The following CCDC141 variants were observed in gnomAD, a reference collection of about 807,000 sequenced individuals.
The protein encoded by CCDC141 is coiled-coil domain-containing protein 141.
Under a neutral mutation model 181.0 loss-of-function variants are expected in CCDC141, and 168 were observed. The observed-to-expected ratio is 0.93, with a 90% CI of 0.82 to 1.05. The LOEUF is 1.05. CCDC141 is among the 50% of genes least tolerant of loss of function. CCDC141 has a pLI of 0.00. For synonymous variants in CCDC141, 666 were observed against 642.3 expected, an observed-to-expected ratio of 1.04 and a Z score of -0.56; for missense variants, 1,902 against 1,788.5, an observed-to-expected ratio of 1.06 and a Z score of -1.14.
chr2:178,852,388 A>C (rs17362574), intron 20 of CCDC141, among the ~76,000 whole-genome samples: 1 of 152,206 alleles, frequency 6.6e-6, no homozygotes, highest in Non-Finnish European at 1.5e-5. Flanking sequence ...AAAAAGTTCA[A>C]TCGTGGAGGA....
the CCDC141 span, among the ~76,000 whole-genome samples, chr2:178,821,693 T>C: frequency 1.3e-5 from 2 of 151,192 alleles, no homozygotes; most frequent in Admixed American, 1.3e-4. Context: ...GAAATGCAAA[T>C]CAAAACCACA....
At position 178,871,491 on chromosome 2, in the gene CCDC141, C is replaced by G. The variant is rs766972842; in HGVS notation, c.2141G>C (p.Gly714Ala). The G allele has an allele frequency of 1.9e-6, 3 of 1,613,904 alleles. No homozygotes were observed. In the African/African-American group the frequency reaches 4.0e-5, roughly 22 times the overall value. The change falls in exon 14 of 24, where the codon GGA becomes GCA. Residue 714 changes from glycine to alanine, a missense_variant. Gly to Ala is a moderately conservative substitution (Grantham distance 60). Coordinates refer to ENST00000443758, the MANE Select transcript of CCDC141 (RefSeq NM_173648.4). The part of the protein sequence containing the change: ...ALMPVSALDL[G>A]GSLQFILDLR... ...ATCTAAAATGAACTGGAGGCTCCCT[C>G]CGAGGTCAAGTGCAGACACAGGCAT...
chr2:179,014,165 G>A (rs557872124), intron 2 of CCDC141, among the ~76,000 whole-genome samples: 1 of 152,004 alleles, frequency 6.6e-6, no homozygotes, highest in Admixed American at 6.6e-5. Flanking sequence ...AAAATGTAAA[G>A]CAGGGAAAGG....
chr2:178,828,723 G>T (rs1228819738), downstream of CCDC141, among the ~76,000 whole-genome samples: 1 of 152,150 alleles, frequency 6.6e-6, no homozygotes, highest in Admixed American at 6.5e-5. Flanking sequence ...TTGTGTGTGG[G>T]TGTGCATAAT....
At chr2:178,999,771 G>A (rs529733775) in intron 2 of CCDC141, among the ~76,000 whole-genome samples, 2 of 151,568 alleles carry the variant, frequency 1.3e-5, no homozygotes, top group Admixed American at 6.6e-5. Flanking sequence ...TCTTTCTCCC[G>A]TGACTCACCT....
chr2:178,914,147 G>A (rs148468085), intron 7 of CCDC141, among the ~76,000 whole-genome samples: 1 of 152,232 alleles, frequency 6.6e-6, no homozygotes, highest in African/African-American at 2.4e-5. Context: ...TTGGAGGATC[G>A]AGATGAGTTA....
chr2:178,877,967 A>G lies in CCDC141; in HGVS notation c.1896T>C (p.Asn632=). Residue 632 remains asparagine (N), a synonymous_variant, in exon 12 of 24, where the codon AAT becomes AAC. Coordinates refer to ENST00000443758, the MANE Select transcript of CCDC141 (RefSeq NM_173648.4). ...ATCCATTTAATGCCATTCTTACCAT[A>G]TTTATTAAATTAAGGAACTCAAGCC... is the stretch of plus-strand genomic sequence containing the variant. The part of the protein sequence containing the change: ...DLGLEFLNLI[N]MAKENEILDV... The G allele has an allele frequency of 6.2e-7, 1 of 1,611,688 alleles. No homozygotes were observed. The highest frequency in any genetic ancestry group is 8.5e-7 in the Non-Finnish European group (1 of 1,177,984).
At chr2:178,891,111 T>C (rs1687127579) in intron 8 of CCDC141, among the ~76,000 whole-genome samples, 1 of 152,160 alleles carries the variant, frequency 6.6e-6, no homozygotes, top group Admixed American at 6.5e-5. Context: ...AATAATTTTA[T>C]TAAATTCATG....
intron 2 of CCDC141, among the ~76,000 whole-genome samples, chr2:178,991,113 A>G (rs909816361): frequency 6.6e-6 from 1 of 152,160 alleles, no homozygotes; most frequent in African/African-American, 2.4e-5. Context: ...TTTGCCCACG[A>G]CTGTCACTTG....
chr2:178,918,186 G>C (rs1317524977), intron 7 of CCDC141, among the ~76,000 whole-genome samples: 2 of 151,920 alleles, frequency 1.3e-5, no homozygotes, highest in Non-Finnish European at 2.9e-5. Flanking sequence ...AGCGCAGGAG[G>C]ATCACTTGAG....
At chr2:178,989,861 C>T (rs1280977845) in intron 2 of CCDC141, among the ~76,000 whole-genome samples, 3 of 144,808 alleles carry the variant, frequency 2.1e-5, no homozygotes, top group South Asian at 2.2e-4. Context: ...AAAAGGAGGC[C>T]GGGCACAGTG....
chr2:178,868,052 C>G lies in CCDC141; in HGVS notation c.2548G>C (p.Asp850His), dbSNP rs368109309. 17 of 1,613,618 alleles carry G rather than the reference C, an allele frequency of 1.1e-5. No homozygotes were observed. The highest frequency in any genetic ancestry group is 1.4e-5 in the Non-Finnish European group (17 of 1,179,782). ...GGCCGCTGCACTGATGAGATGATGT[C>G]GACTCCTAAGGAAAGGGCCAGTCTG... ...LHRLALSLGV[D>H]IISSVQRPHC... is the part of the protein sequence containing the mutation. The change falls in exon 16 of 24, where the codon GAC becomes CAC. Residue 850 changes from aspartate to histidine, a missense_variant. By Grantham distance (81) the Asp-to-His change is moderately conservative. Transcript: ENST00000443758.
At chr2:178,871,708 G>A (rs1686128353) in intron 13 of CCDC141, among the ~76,000 whole-genome samples, 156 bp from the exon 14 acceptor site, 3 of 152,260 alleles carry the variant, frequency 2.0e-5, no homozygotes, top group South Asian at 2.1e-4. Flanking sequence ...CCACCAAGAA[G>A]TAAGGCCCTT....
At chr2:178,929,727 A>G (rs981525441) in intron 6 of CCDC141, among the ~76,000 whole-genome samples, 1 of 152,116 alleles carries the variant, frequency 6.6e-6, no homozygotes, top group Non-Finnish European at 1.5e-5. Context: ...ACAATGACCC[A>G]GTATTCTGAC....
intron 2 of CCDC141, among the ~76,000 whole-genome samples, chr2:179,021,273 A>C (rs1292969322): frequency 6.6e-6 from 1 of 152,162 alleles, no homozygotes; most frequent in Non-Finnish European, 1.5e-5. Context: ...TTTTCTGGTG[A>C]AAGAGAAATG....
downstream of CCDC141, among the ~76,000 whole-genome samples, chr2:178,828,350 C>T (rs1249872415): frequency 1.3e-5 from 2 of 152,142 alleles, no homozygotes; most frequent in Non-Finnish European, 2.9e-5. Context: ...CCAGTCACCA[C>T]CCCTAAGTGG....
intron 6 of CCDC141, among the ~76,000 whole-genome samples, chr2:178,930,927 CAT>C (rs1325289190): frequency 1.3e-5 from 2 of 152,046 alleles, no homozygotes; most frequent in Admixed American, 6.5e-5. Flanking sequence ...ACACCAAAAA[CAT>C]AGCAAAAAAT....
chr2:178,837,004 A>G lies in CCDC141; in HGVS notation c.4215T>C (p.Ala1405=). The G allele has an allele frequency of 6.2e-7, 1 of 1,614,026 alleles. No individual in the cohort carries two copies. The change falls in exon 23 of 24, where the codon GCT becomes GCC. Residue 1405 remains alanine, a synonymous_variant. Coordinates refer to ENST00000443758, the MANE Select transcript of CCDC141 (RefSeq NM_173648.4). ...TSAKSSVVSL[A]DQAPNFSRLL... ...GCCTGGAGAAATTAGGTGCCTGGTC[A>G]GCTAGGCTGACCACGCTGCTCTTTG... is the stretch of plus-strand genomic sequence containing the variant.
chr2:178,948,511 G>A (rs1216504305), intron 5 of CCDC141, among the ~76,000 whole-genome samples: 1 of 152,152 alleles, frequency 6.6e-6, no homozygotes, highest in Non-Finnish European at 1.5e-5. Context: ...ATATCAGTTG[G>A]TAGCATTTAT....
Sources: allele counts gnomAD v4.1 joint callset (sites outside exome capture counted in the v4.1 genomes callset), GRCh38; gene constraint gnomAD v4.1.1; transcripts MANE v1.5; gene names NCBI Gene and HGNC (gene_info 2026-07-23, HGNC 2026-07-21).